The following ARSB variants were observed in gnomAD, a reference collection of about 807,000 sequenced individuals.
The protein encoded by ARSB is N-acetylgalactosamine-4-sulfatase.
ARSB carries 41 observed loss-of-function variants against 50.9 expected under a neutral mutation model. That is an observed-to-expected ratio of 0.81 (90% confidence interval 0.63 to 1.04). The LOEUF is 1.04. ARSB is among the 50% of genes least tolerant of loss of function. The pLI is 0.00. For synonymous variants in ARSB, 269 were observed against 284.8 expected (o/e 0.94, Z 0.56); for missense variants, 672 against 693.3 (o/e 0.97, Z 0.35).
chr5:78,865,359 C>T (rs990541660), intron 5 of ARSB, among the ~76,000 whole-genome samples: 1 of 152,196 alleles, frequency 6.6e-6, no homozygotes. Context: ...CCAAGCTCTA[C>T]ATTGGCCCCT....
At chr5:78,873,052 G>C (rs929755043) in intron 5 of ARSB, among the ~76,000 whole-genome samples, 1 of 151,754 alleles carries the variant, frequency 6.6e-6, no homozygotes. Flanking sequence ...TAGAAAATGA[G>C]AATTCAAAAA....
intron 1 of ARSB, among the ~76,000 whole-genome samples, chr5:78,970,923 T>C (rs944094481): frequency 1.3e-5 from 2 of 152,042 alleles, no homozygotes; most frequent in South Asian, 2.1e-4. Flanking sequence ...ATCATACCAC[T>C]GCACTGCACT....
intron 5 of ARSB, among the ~76,000 whole-genome samples, chr5:78,872,005 G>A (rs1049023605): frequency 6.6e-6 from 1 of 151,838 alleles, no homozygotes; most frequent in Non-Finnish European, 1.5e-5. Context: ...AGCGGGCGAA[G>A]GACATGAACA....
At chr5:78,974,525 T>C (rs1302259620) in intron 1 of ARSB, among the ~76,000 whole-genome samples, 2 of 152,198 alleles carry the variant, frequency 1.3e-5, no homozygotes, top group Non-Finnish European at 2.9e-5. Context: ...CAAAAGGTGA[T>C]ATGATTAAGG....
At chr5:78,937,427 CAT>C (rs980590229) in intron 4 of ARSB, among the ~76,000 whole-genome samples, 2 of 129,622 alleles carry the variant, frequency 1.5e-5, no homozygotes, top group East Asian at 2.1e-4. Flanking sequence ...ATATATATAT[CAT>C]ATATATGATA....
intron 5 of ARSB, among the ~76,000 whole-genome samples, chr5:78,847,516 T>C (rs1371502078): frequency 6.6e-6 from 1 of 152,218 alleles, no homozygotes; most frequent in African/African-American, 2.4e-5. Context: ...GATACTGGCC[T>C]AAAGTTTTCT....
chr5:78,891,282 G>A (rs1297450683), intron 4 of ARSB, among the ~76,000 whole-genome samples: 1 of 152,224 alleles, frequency 6.6e-6, no homozygotes, highest in East Asian at 1.9e-4. Flanking sequence ...TTAAACTATA[G>A]GAGCTGGCAA....
chr5:78,924,528 C>T (rs1254782910), intron 4 of ARSB, among the ~76,000 whole-genome samples: 1 of 152,210 alleles, frequency 6.6e-6, no homozygotes, highest in Non-Finnish European at 1.5e-5. Flanking sequence ...GGCTTCCCAC[C>T]TTCTCCCTGT....
chr5:78,900,147 A>G (rs1458738747), intron 4 of ARSB, among the ~76,000 whole-genome samples: 1 of 152,054 alleles, frequency 6.6e-6, no homozygotes, highest in South Asian at 2.1e-4. Context: ...CCTAGTCAGC[A>G]GTGTGGGAAG....
At chr5:78,847,388 A>G (rs1243615200) in intron 5 of ARSB, among the ~76,000 whole-genome samples, 1 of 152,076 alleles carries the variant, frequency 6.6e-6, no homozygotes, top group African/African-American at 2.4e-5. Context: ...TGGCCTCCCA[A>G]AGCCCTGAGA....
chr5:78,953,415 A>G (rs1169845410), intron 4 of ARSB, among the ~76,000 whole-genome samples: 2 of 152,242 alleles, frequency 1.3e-5, no homozygotes, highest in Non-Finnish European at 2.9e-5. Flanking sequence ...TGGGACAATA[A>G]TAGTTCCCAG....
At chr5:78,874,945 C>T (rs1255730113) in intron 5 of ARSB, among the ~76,000 whole-genome samples, 1 of 151,706 alleles carries the variant, frequency 6.6e-6, no homozygotes, top group African/African-American at 2.4e-5. Flanking sequence ...CCTGCCTCTA[C>T]AAAATAAAAA....
intron 6 of ARSB, among the ~76,000 whole-genome samples, chr5:78,834,035 A>G (rs1333242171): frequency 6.6e-6 from 1 of 152,210 alleles, no homozygotes; most frequent in Non-Finnish European, 1.5e-5. Context: ...CTGTAAGACA[A>G]TAAAACAATG....
At chr5:78,939,781 C>T (rs1444030297) in intron 4 of ARSB, among the ~76,000 whole-genome samples, 1 of 152,096 alleles carries the variant, frequency 6.6e-6, no homozygotes, top group East Asian at 1.9e-4. Flanking sequence ...ATTTATAATC[C>T]TTTGGGTATA....
At chr5:78,957,372 T>C (rs1400259101) in intron 3 of ARSB, among the ~76,000 whole-genome samples, 1 of 152,176 alleles carries the variant, frequency 6.6e-6, no homozygotes, top group Admixed American at 6.5e-5. Flanking sequence ...AAAAGGAGTA[T>C]CCATACATAG....
intron 5 of ARSB, among the ~76,000 whole-genome samples, chr5:78,846,863 TC>T (rs1479632656): frequency 7.2e-5 from 11 of 152,218 alleles, no homozygotes; most frequent in African/African-American, 2.7e-4. Flanking sequence ...TTTTTCCCAT[TC>T]AGTGCGATGT....
At chr5:78,834,832 T>C (rs1744875073) in intron 6 of ARSB, among the ~76,000 whole-genome samples, 1 of 151,862 alleles carries the variant, frequency 6.6e-6, no homozygotes, top group African/African-American at 2.4e-5. Flanking sequence ...ATGATAATTC[T>C]ATTTTTAATA....
intron 6 of ARSB, among the ~76,000 whole-genome samples, chr5:78,836,756 C>T (rs1188934133): frequency 1.3e-5 from 2 of 152,120 alleles, no homozygotes; most frequent in East Asian, 1.9e-4. Context: ...ATTCGTCCGT[C>T]CTTGCATTGT....
rs1012810067 is a variant in ARSB, at chr5:78,935,026, T to A, written c.898+20269A>T. On this transcript the variant is annotated intron_variant, in intron 4 of 7. Transcript: ENST00000264914. ...CACATTTAATTTTTGATTATTTAAT[T>A]TCATTTTTAAGTCATACATTTTTCA... Among the ~76,000 whole-genome samples, 7 of 152,254 alleles carry A rather than the reference T, an allele frequency of 4.6e-5. No homozygotes were observed. In the East Asian group the frequency reaches 1.3e-3, roughly 29 times the overall value.
Sources: gnomAD v4.1 joint callset for allele counts (sites outside exome capture counted in the v4.1 genomes callset) on GRCh38, gnomAD v4.1.1 for gene constraint, MANE v1.5 for transcripts, NCBI Gene and HGNC (gene_info 2026-07-23, HGNC 2026-07-21) for gene names.